ZBTB16: variants seen among roughly 807,000 people sequenced by gnomAD.
The protein encoded by ZBTB16 is zinc finger and BTB domain containing 16.
ZBTB16 carries 8 observed loss-of-function variants against 56.8 expected under a neutral mutation model. The ratio of observed to expected loss-of-function variants is 0.14; its 90% CI spans 0.08 to 0.25. The LOEUF (loss-of-function observed/expected upper bound fraction) is 0.25, where lower values mean the gene tolerates loss of function less well. Among genes scored for constraint, ZBTB16 ranks in the 10% least tolerant of loss-of-function variants. ZBTB16 has a pLI of 1.00. For missense variants in ZBTB16, 625 were observed against 903.0 expected (o/e 0.69, Z 3.95); for synonymous variants, 363 against 368.5 (o/e 0.98, Z 0.17).
intron 2 of ZBTB16, among the ~76,000 whole-genome samples, chr11:114,097,697 C>T (rs1940468787): frequency 6.6e-6 from 1 of 152,094 alleles, no homozygotes; most frequent in South Asian, 2.1e-4. Context: ...TGCTATCTCT[C>T]AAGTGGTATG....
At chr11:114,200,141 GA>G (rs891876492) in intron 4 of ZBTB16, among the ~76,000 whole-genome samples, 4 of 130,894 alleles carry the variant, frequency 3.1e-5, no homozygotes, top group African/African-American at 8.1e-5. Flanking sequence ...AAAAAAAAAA[GA>G]AAAAAAGAAA....
chr11:114,108,149 G>T (rs1940865746), intron 2 of ZBTB16, among the ~76,000 whole-genome samples: 1 of 152,088 alleles, frequency 6.6e-6, no homozygotes, highest in Non-Finnish European at 1.5e-5. Flanking sequence ...TTAAACTTCT[G>T]TGTGTAAGAC....
chr11:114,119,434 C>T (rs948112746), intron 2 of ZBTB16, among the ~76,000 whole-genome samples: 8 of 151,816 alleles, frequency 5.3e-5, no homozygotes, highest in African/African-American at 1.5e-4. Context: ...CCTTTGCTGA[C>T]CTGGACTGGC....
chr11:114,194,639 C>T (rs1943566997), intron 4 of ZBTB16, among the ~76,000 whole-genome samples: 1 of 152,226 alleles, frequency 6.6e-6, no homozygotes. Flanking sequence ...GAATTAACAG[C>T]TAGGCAGTTC....
chr11:114,079,391 A>G (rs768388962), intron 2 of ZBTB16, among the ~76,000 whole-genome samples: 20 of 152,216 alleles, frequency 1.3e-4, no homozygotes, highest in Non-Finnish European at 2.4e-4. Flanking sequence ...GGGCACTGCT[A>G]AATTGATGAT....
chr11:114,226,365 A>T (rs560025059), intron 4 of ZBTB16, among the ~76,000 whole-genome samples: 11 of 152,334 alleles, frequency 7.2e-5, no homozygotes, highest in African/African-American at 2.6e-4. Flanking sequence ...GTCTCTCTTC[A>T]CTACTGTTTC....
intron 2 of ZBTB16, among the ~76,000 whole-genome samples, chr11:114,128,507 T>C (rs957413923): frequency 6.6e-6 from 1 of 152,236 alleles, no homozygotes; most frequent in Non-Finnish European, 1.5e-5. Context: ...CTTTAGTTTT[T>C]TTCACCTGCG....
At chr11:114,124,336 G>T (rs772531208) in intron 2 of ZBTB16, among the ~76,000 whole-genome samples, 4 of 151,858 alleles carry the variant, frequency 2.6e-5, no homozygotes, top group Non-Finnish European at 5.9e-5. Flanking sequence ...GACTGAAAAG[G>T]CCACAGCATG....
Position 114,060,184 on chromosome 11 carries a change from G to T in ZBTB16, c.-91+302G>T. The T allele has an allele frequency of 5.8e-6, 1 of 173,642 alleles. No homozygotes were observed. The highest frequency in any genetic ancestry group is 1.2e-5 in the Non-Finnish European group (1 of 82,476). 10.8% of individuals were successfully genotyped at this position (173,642 alleles called of 1,614,324 possible). A position where few individuals can be genotyped will look rare whatever the true frequency, so the allele number is the denominator to read the frequency against. On this transcript the variant is annotated intron_variant, in intron 1 of 6. Coordinates refer to ENST00000335953, the MANE Select transcript of ZBTB16 (RefSeq NM_006006.6). This position sits in a 1 kb window ranked among gnomAD's most constrained non-coding sequence, Gnocchi z 6.0. ...GTAGCGGTGTGCGGGGGCTGAGGGC[G>T]TGAGCAGAGGGGTCGGGGATCCGGA...
intron 2 of ZBTB16, among the ~76,000 whole-genome samples, chr11:114,089,710 G>A (rs1480267434): frequency 6.6e-6 from 1 of 152,214 alleles, no homozygotes; most frequent in Non-Finnish European, 1.5e-5. Flanking sequence ...GCCCACTGGG[G>A]AATCATCTTT....
intron 2 of ZBTB16, among the ~76,000 whole-genome samples, chr11:114,105,450 G>C (rs919606053): frequency 4.6e-5 from 7 of 152,192 alleles, no homozygotes; most frequent in African/African-American, 1.7e-4. Context: ...GTGTTGGCCA[G>C]GCTGGTCTCA....
At chr11:114,115,209 C>T (rs1055281460) in intron 2 of ZBTB16, among the ~76,000 whole-genome samples, 3 of 152,058 alleles carry the variant, frequency 2.0e-5, no homozygotes, top group Admixed American at 6.6e-5. Context: ...GAGAAAAGAA[C>T]CTTTGCTTTT....
intron 3 of ZBTB16, among the ~76,000 whole-genome samples, chr11:114,177,601 C>T (rs899497913): frequency 6.6e-6 from 1 of 152,082 alleles, no homozygotes; most frequent in African/African-American, 2.4e-5. Flanking sequence ...AGAGATCTCT[C>T]AGTTGGCAAA....
intron 1 of ZBTB16, among the ~76,000 whole-genome samples, chr11:114,062,202 C>T (rs1938906469): frequency 6.6e-6 from 1 of 151,880 alleles, no homozygotes; most frequent in South Asian, 2.1e-4. Context: ...CTCCCGGTTT[C>T]AAGTGATTCT....
intron 2 of ZBTB16, among the ~76,000 whole-genome samples, chr11:114,090,195 GC>G (rs1940133103): frequency 1.3e-5 from 2 of 152,196 alleles, no homozygotes; most frequent in African/African-American, 4.8e-5. Flanking sequence ...TCTGTTCCCT[GC>G]CAGGATATTC....
intron 3 of ZBTB16, among the ~76,000 whole-genome samples, chr11:114,174,594 T>C (rs879452630): frequency 6.6e-6 from 1 of 152,188 alleles, no homozygotes; most frequent in Non-Finnish European, 1.5e-5. Context: ...GCAACTGTCT[T>C]TGTAGTGTGT....
At chr11:114,139,610 A>G (rs1941890760) in intron 2 of ZBTB16, among the ~76,000 whole-genome samples, 1 of 135,324 alleles carries the variant, frequency 7.4e-6, no homozygotes, top group South Asian at 2.4e-4. Flanking sequence ...GTGTGTGGGT[A>G]TGTGCCCGCG....
chr11:114,171,639 G>A (rs540317097), intron 3 of ZBTB16, among the ~76,000 whole-genome samples: 5 of 152,352 alleles, frequency 3.3e-5, no homozygotes, highest in South Asian at 4.1e-4. Flanking sequence ...CCACAAGGCC[G>A]GCGTGGCTTT....
chr11:114,252,623 G>A lies in ZBTB16; in HGVS notation c.*2068G>A, dbSNP rs1346593072. ...TTCATCTCATGCTTTATGTGTAAGA[G>A]TTTTTTATTATTATTTTTTCTTTCC... On this transcript the variant is annotated 3_prime_UTR_variant, in exon 7 of 7. Coordinates refer to ENST00000335953, the MANE Select transcript of ZBTB16 (RefSeq NM_006006.6). Among the ~76,000 whole-genome samples the A allele has an allele frequency of 6.6e-6, 1 of 152,142 alleles. No individual in the cohort carries two copies. The highest frequency in any genetic ancestry group is 1.5e-5 in the Non-Finnish European group (1 of 68,016).
Sources: gnomAD v4.1 joint callset for allele counts (sites outside exome capture counted in the v4.1 genomes callset) on GRCh38, gnomAD v4.1.1 for gene constraint, Gnocchi (gnomAD v3.1) non-coding constraint, MANE v1.5 for transcripts, NCBI Gene and HGNC (gene_info 2026-07-23, HGNC 2026-07-21) for gene names.